Variants in ZNF91 observed in about 807,000 individuals in gnomAD.
ZNF91 encodes zinc finger protein 91.
In ZNF91, 7 loss-of-function variants were observed where a neutral mutation model predicts 12.6. The observed-to-expected ratio is 0.55, with a 90% CI of 0.31 to 1.04. The LOEUF is 1.04. Among genes scored for constraint, ZNF91 ranks in the 50% least tolerant of loss-of-function variants. The pLI is 0.05. For synonymous variants in ZNF91, 453 were observed against 462.6 expected, an observed-to-expected ratio of 0.98 and a Z score of 0.27; for missense variants, 1,217 against 1,385.4, an observed-to-expected ratio of 0.88 and a Z score of 1.93.
At chr19:23,370,898 T>A (rs1371554443) in intron 3 of ZNF91, among the ~76,000 whole-genome samples, 1 of 152,044 alleles carries the variant, frequency 6.6e-6, no homozygotes, top group East Asian at 1.9e-4. Context: ...ACAGAAAAAA[T>A]AAAGAATTAT....
Position 23,373,387 on chromosome 19 carries a change from A to ATATATATATAT in ZNF91, c.253+354_253+355insATATATATATA, listed in dbSNP as rs1568395319. Among the ~76,000 whole-genome samples the ATATATATATAT allele has an allele frequency of 2.6e-3, 203 of 78,052 alleles. 6 individuals are homozygous for ATATATATATAT. The highest frequency in any genetic ancestry group is 4.6e-3 in the Non-Finnish European group (151 of 32,792). 51.2% of individuals were successfully genotyped at this position (78,052 alleles called of 152,430 possible). A position where few individuals can be genotyped will look rare whatever the true frequency, so the allele number is the denominator to read the frequency against. ...ATATATATATATATATATATATATAAATAAACAGTACTTTAAAACCTGTTT... is the reference window on the plus strand; with the variant it reads ...ATATATATATATATATATATATATAATATATATATATATAAACAGTACTTTAAAACCTGTTT... On this transcript the variant is annotated intron_variant, in intron 3 of 3. Coordinates refer to ENST00000300619, the MANE Select transcript of ZNF91 (RefSeq NM_003430.4).
intron 1 of ZNF91, chr19:23,310,459 T>C (rs1236131493): frequency 6.6e-6 from 1 of 152,134 alleles, no homozygotes; most frequent in Non-Finnish European, 1.5e-5. Context: ...ACAGAAAAAA[T>C]TGAGGCTCTC....
chr19:23,389,108 T>A (rs1376897661), intron 1 of ZNF91, among the ~76,000 whole-genome samples: 5 of 151,946 alleles, frequency 3.3e-5, no homozygotes, highest in Non-Finnish European at 7.4e-5. Context: ...GACACAATTT[T>A]AGCTGTATAA....
chr19:23,346,528 C>T (rs1406810651), intron 3 of ZNF91, among the ~76,000 whole-genome samples: 2 of 152,236 alleles, frequency 1.3e-5, no homozygotes, highest in Non-Finnish European at 1.5e-5. Context: ...AGCCCTTTTT[C>T]TCTCTTGTTT....
At chr19:23,377,113 A>G (rs1969531294) in intron 1 of ZNF91, among the ~76,000 whole-genome samples, 4 of 151,962 alleles carry the variant, frequency 2.6e-5, no homozygotes, top group Non-Finnish European at 4.4e-5. Context: ...CTCCCCTGCT[A>G]CGGACATCAG....
intron 1 of ZNF91, among the ~76,000 whole-genome samples, chr19:23,379,740 T>C (rs1196619060): frequency 5.9e-4 from 89 of 151,084 alleles, no homozygotes; most frequent in Non-Finnish European, 1.2e-3. Context: ...AGTGGTTGAA[T>C]AGGGTGCTAT....
At chr19:23,323,775 TTCTC>T (rs368731116) in intron 1 of ZNF91, among the ~76,000 whole-genome samples, 4 of 139,110 alleles carry the variant, frequency 2.9e-5, no homozygotes, top group South Asian at 2.1e-4. Flanking sequence ...CGTCTCCTCC[TTCTC>T]TTTCTTCTTC....
rs540999941 is a variant in ZNF91 at position 23,323,346 on chromosome 19, T to C, written n.117-14249A>G. On this transcript the variant is annotated intron_variant and non_coding_transcript_variant, in intron 1 of 1. Coordinates refer to the ZNF91 transcript ENST00000596528. The stretch of plus-strand genomic sequence containing the variant: ...CATCTTCTCCTCGTCCTCCTCCTCC[T>C]CTCCCCCTCCTTTCCTCCTCTTCCC... 8.7e-3 allele frequency among the ~76,000 whole-genome samples: 1,246 copies of C among 143,328 alleles called. 14 individuals carry two copies. Among genetic ancestry groups the C allele is most frequent in the African/African-American group, 0.03 (1,167 of 38,644 alleles). The allele number at this position is 143,328 out of a possible 152,430, so 94.0% of individuals were successfully genotyped here.
rs150005884 is a variant in ZNF91 at position 23,377,939 on chromosome 19, T to C, written c.31-3175A>G. On this transcript the variant is annotated intron_variant, in intron 1 of 3. Transcript: ENST00000300619. ...TTAGAATAAGGATCCAGCATTTTTA[T>C]TTCTTCTTCTGTTTTTGTCACTCAT... 4.4e-3 allele frequency among the ~76,000 whole-genome samples: 618 copies of C among 141,332 alleles called. 9 individuals are homozygous for C. Among genetic ancestry groups the C allele is most frequent in the African/African-American group, 0.016 (594 of 36,354 alleles). 92.7% of individuals were successfully genotyped at this position (141,332 alleles called of 152,430 possible). A position where few individuals can be genotyped will look rare whatever the true frequency, so the allele number is the denominator to read the frequency against.
At chr19:23,308,334 C>A (rs1967425671) in intron 2 of ZNF91, 1 of 152,158 alleles carries the variant, frequency 6.6e-6, no homozygotes, top group Admixed American at 6.6e-5. Context: ...GTTTTGACTG[C>A]CTGAGTCTTT....
At chr19:23,321,190 C>T (rs2145855562) in intron 1 of ZNF91, among the ~76,000 whole-genome samples, 1 of 152,294 alleles carries the variant, frequency 6.6e-6, no homozygotes, top group South Asian at 2.1e-4. Flanking sequence ...TTTGACTCTC[C>T]TGCCTGGGCT....
In ZNF91 at chr19:23,345,960, C is replaced by G. The variant is rs1968219063; in HGVS notation, c.254-6906G>C. Among the ~76,000 whole-genome samples the G allele has an allele frequency of 2.0e-5, 3 of 152,100 alleles. 1 individual carries two copies. The highest frequency in any genetic ancestry group is 4.2e-4 in the South Asian group (2 of 4,818). ...CCCCCTCCCCTGTTCAAACCCTCAG[C>G]AGGAACCACTTCCAGGTTCCTCCTT... On this transcript the variant is annotated intron_variant, in intron 3 of 3. Coordinates refer to the ZNF91 transcript ENST00000599743.
At chr19:23,328,655 AAAT>A (rs1383309648) in intron 1 of ZNF91, 1 of 152,332 alleles carries the variant, frequency 6.6e-6, no homozygotes, top group South Asian at 2.1e-4. Context: ...AGGTAGAAGG[AAAT>A]AATGATTGGC....
intron 3 of ZNF91, among the ~76,000 whole-genome samples, chr19:23,351,621 A>G (rs976039045): frequency 6.6e-6 from 1 of 152,208 alleles, no homozygotes; most frequent in South Asian, 2.1e-4. Flanking sequence ...TTGACCTGGG[A>G]CACACTTATC....
chr19:23,337,126 T>G (rs1181468642), downstream of ZNF91, among the ~76,000 whole-genome samples: 1 of 152,136 alleles, frequency 6.6e-6, no homozygotes, highest in East Asian at 1.9e-4. Flanking sequence ...TCTCACCATC[T>G]ACCCCACCCT....
chr19:23,360,442 A>C lies in ZNF91; in HGVS notation c.2537T>G (p.Ile846Arg). 2 of 1,613,278 alleles carry C rather than the reference A, an allele frequency of 1.2e-6. No homozygotes were observed. The highest frequency in any genetic ancestry group is 1.7e-6 in the Non-Finnish European group (2 of 1,179,826). The part of the protein sequence containing the change: ...KHSSALAKHK[I>R]IHAGEKLYKC... ...GTAGAGTTTCTCTCCAGCATGTATTATTTTATGTTTAGCAAGGGCTGAGGA... is the reference window on the plus strand; with the variant it reads ...GTAGAGTTTCTCTCCAGCATGTATTCTTTTATGTTTAGCAAGGGCTGAGGA... Residue 846 changes from isoleucine to arginine, a missense_variant, in exon 4 of 4, where the codon ATA (isoleucine) becomes AGA (arginine). Transcript: ENST00000300619.
Position 23,358,570 on chromosome 19 carries a change from A to T in ZNF91, c.*833T>A, listed in dbSNP as rs40561. On this transcript the variant is annotated 3_prime_UTR_variant, in exon 4 of 4. Coordinates refer to ENST00000300619, the MANE Select transcript of ZNF91 (RefSeq NM_003430.4). ...TTCTTATTTAGTATGAACGCTCTGA[A>T]TTTGAGTACGATGTGAGCAGGTATT... 0.52 allele frequency: 78,555 copies of T among 152,154 alleles called. 21,783 individuals are homozygous for T. The highest frequency in any genetic ancestry group is 0.85 in the East Asian group (4,367 of 5,168). The allele number at this position is 152,154 out of a possible 1,614,324, so 9.4% of individuals were successfully genotyped here.
chr19:23,343,838 G>T (rs1045471811), intron 3 of ZNF91, among the ~76,000 whole-genome samples: 1 of 152,152 alleles, frequency 6.6e-6, no homozygotes, highest in South Asian at 2.1e-4. Context: ...CCTCAGCTTG[G>T]GCTGGAACCT....
intron 1 of ZNF91, among the ~76,000 whole-genome samples, chr19:23,383,559 G>A (rs1209045790): frequency 2.0e-5 from 3 of 151,946 alleles, no homozygotes; most frequent in African/African-American, 4.8e-5. Context: ...GTGGTGGCGG[G>A]TGCCTGTAAT....
Sources: allele counts gnomAD v4.1 joint callset (sites outside exome capture counted in the v4.1 genomes callset), GRCh38; gene constraint gnomAD v4.1.1; transcripts MANE v1.5; gene names NCBI Gene and HGNC (gene_info 2026-07-23, HGNC 2026-07-21).